The following CCSER1 variants were observed in gnomAD, a reference collection of about 807,000 sequenced individuals.
CCSER1 encodes the protein serine-rich coiled-coil domain-containing protein 1.
A neutral mutation model predicts 82.0 loss-of-function variants in CCSER1; 41 were observed. That is an observed-to-expected ratio of 0.50 (90% CI 0.39 to 0.65). CCSER1 has a LOEUF of 0.65. Ranked by LOEUF, CCSER1 falls within the 30% of genes least tolerant of loss-of-function variation. CCSER1 has a pLI of 0.00. For missense variants in CCSER1, 1,119 were observed against 1,064.2 expected (o/e 1.05, Z -0.72); for synonymous variants, 414 against 383.9 (o/e 1.08, Z -0.92).
At chr4:90,176,403 G>C (rs1028925606) in intron 1 of CCSER1, among the ~76,000 whole-genome samples, 4 of 151,994 alleles carry the variant, frequency 2.6e-5, no homozygotes, top group Non-Finnish European at 5.9e-5. Context: ...TGAAAGGACA[G>C]ACCATGGCTT....
chr4:91,425,493 T>C (rs747572495), intron 10 of CCSER1, among the ~76,000 whole-genome samples: 2 of 152,136 alleles, frequency 1.3e-5, no homozygotes, highest in Non-Finnish European at 2.9e-5. Flanking sequence ...ATTTATCCTA[T>C]AGAAGTAACA....
At chr4:90,476,359 C>T (rs991207401) in intron 5 of CCSER1, among the ~76,000 whole-genome samples, 1 of 151,998 alleles carries the variant, frequency 6.6e-6, no homozygotes, top group Non-Finnish European at 1.5e-5. Context: ...GACCACATAA[C>T]GCACAACCCA....
intron 9 of CCSER1, among the ~76,000 whole-genome samples, chr4:91,051,995 A>C (rs2148711197): frequency 6.6e-6 from 1 of 152,188 alleles, no homozygotes; most frequent in African/African-American, 2.4e-5. Context: ...AAGACATGCA[A>C]TTGTATTTTC....
At chr4:90,193,359 A>G (rs1236643014) in intron 1 of CCSER1, among the ~76,000 whole-genome samples, 1 of 152,100 alleles carries the variant, frequency 6.6e-6, no homozygotes, top group Non-Finnish European at 1.5e-5. Context: ...TACTTCACAT[A>G]TTATAGTACC....
chr4:90,974,492 G>A lies in CCSER1; in HGVS notation c.2172+51045G>A, dbSNP rs533494889. 2.0e-5 allele frequency among the ~76,000 whole-genome samples: 3 copies of A among 149,400 alleles called. No homozygotes were observed. In the Admixed American group the frequency reaches 2.0e-4, roughly 10 times the overall value. ...AGGCTTTCAAGAAAGTGAAAATACA[G>A]CCTCCAGAATGGAAGAACATATTTG... is the stretch of plus-strand genomic sequence containing the variant. On this transcript the variant is annotated intron_variant, in intron 9 of 10. Coordinates refer to ENST00000509176, the MANE Select transcript of CCSER1 (RefSeq NM_001145065.2).
chr4:90,850,754 G>A (rs1763782554), intron 8 of CCSER1, among the ~76,000 whole-genome samples: 1 of 152,218 alleles, frequency 6.6e-6, no homozygotes, highest in Non-Finnish European at 1.5e-5. Flanking sequence ...TATCTCAAAT[G>A]AGACTTTGGA....
intron 5 of CCSER1, among the ~76,000 whole-genome samples, chr4:90,471,276 A>G (rs1378569920): frequency 6.6e-6 from 1 of 151,486 alleles, no homozygotes; most frequent in Non-Finnish European, 1.5e-5. Flanking sequence ...AACCCCCACC[A>G]ATTTTCTTAA....
intron 3 of CCSER1, among the ~76,000 whole-genome samples, chr4:90,323,898 C>G (rs980791272): frequency 6.6e-6 from 1 of 152,038 alleles, no homozygotes; most frequent in East Asian, 1.9e-4. Flanking sequence ...CAGTTCCCAT[C>G]TATGAGTGAG....
intron 10 of CCSER1, among the ~76,000 whole-genome samples, chr4:91,530,072 A>T (rs907717098): frequency 6.6e-6 from 1 of 152,130 alleles, no homozygotes; most frequent in Non-Finnish European, 1.5e-5. Flanking sequence ...TTATTGAGGT[A>T]CCATACTTGA....
intron 10 of CCSER1, among the ~76,000 whole-genome samples, chr4:91,200,321 A>G (rs1735806890): frequency 3.9e-5 from 6 of 152,092 alleles, no homozygotes; most frequent in Admixed American, 2.6e-4. Flanking sequence ...CATTTGGACA[A>G]TATACCTTTG....
At chr4:90,606,040 A>G (rs1288884342) in intron 5 of CCSER1, among the ~76,000 whole-genome samples, 24 of 152,134 alleles carry the variant, frequency 1.6e-4, no homozygotes, top group Non-Finnish European at 3.2e-4. Context: ...TATTGATTAT[A>G]ATTTCATTTG....
chr4:90,529,155 T>C (rs934772430), intron 5 of CCSER1, among the ~76,000 whole-genome samples: 2 of 152,188 alleles, frequency 1.3e-5, no homozygotes, highest in Admixed American at 6.5e-5. Flanking sequence ...TTGTAGTACA[T>C]GTATATACAC....
intron 5 of CCSER1, among the ~76,000 whole-genome samples, chr4:90,493,622 G>GA (rs1002149455): frequency 5.9e-5 from 9 of 152,140 alleles, no homozygotes; most frequent in African/African-American, 2.2e-4. Flanking sequence ...CATTCTTAAA[G>GA]AAAAAATAAT....
chr4:90,802,807 A>G lies in CCSER1; in HGVS notation c.2011-12955A>G, dbSNP rs150073540. Among the ~76,000 whole-genome samples, 694 of 152,300 alleles carry G rather than the reference A, an allele frequency of 4.6e-3. 4 individuals carry two copies. Among genetic ancestry groups the G allele is most frequent in the African/African-American group, 0.016 (657 of 41,566 alleles). The stretch of plus-strand genomic sequence containing the variant: ...AAGAATTATATGAGGTCACTTATTT[A>G]GGTAGAGCAGAATATATTGTCAATG... On this transcript the variant is annotated intron_variant, in intron 7 of 10. Transcript: ENST00000509176.
At chr4:90,328,395 A>G (rs1354004237) in intron 3 of CCSER1, among the ~76,000 whole-genome samples, 4 of 151,946 alleles carry the variant, frequency 2.6e-5, no homozygotes, top group African/African-American at 9.7e-5. Context: ...ACTATATTTC[A>G]GCCTGCTTTT....
chr4:90,957,855 A>G (rs573435047), intron 9 of CCSER1, among the ~76,000 whole-genome samples: 1 of 151,618 alleles, frequency 6.6e-6, no homozygotes, highest in South Asian at 2.1e-4. Flanking sequence ...ACATATTGAC[A>G]TAAAATGATG....
chr4:90,464,969 T>C (rs1763420983), intron 4 of CCSER1, among the ~76,000 whole-genome samples: 1 of 152,230 alleles, frequency 6.6e-6, no homozygotes, highest in South Asian at 2.1e-4. Flanking sequence ...ATCAGCAGTA[T>C]CCATTTTGTT....
At chr4:90,779,983 T>C (rs904857445) in intron 7 of CCSER1, among the ~76,000 whole-genome samples, 4 of 152,210 alleles carry the variant, frequency 2.6e-5, no homozygotes, top group Admixed American at 2.6e-4. Context: ...CTTTAAATAA[T>C]TCTTGTGCTG....
At chr4:90,783,605 G>GT (rs1402785654) in intron 7 of CCSER1, among the ~76,000 whole-genome samples, 1 of 152,190 alleles carries the variant, frequency 6.6e-6, no homozygotes, top group Non-Finnish European at 1.5e-5. Flanking sequence ...ATGGGGAAAA[G>GT]TAACCATCTG....
Sources: gnomAD v4.1 joint callset for allele counts (sites outside exome capture counted in the v4.1 genomes callset) on GRCh38, gnomAD v4.1.1 for gene constraint, MANE v1.5 for transcripts, NCBI Gene and HGNC (gene_info 2026-07-23, HGNC 2026-07-21) for gene names.